Variants in MRPL39 observed in about 807,000 individuals in gnomAD.
MRPL39 encodes the protein mitochondrial ribosomal protein L39.
MRPL39 carries 35 observed loss-of-function variants against 44.5 expected under a neutral mutation model. That is an observed-to-expected ratio of 0.79 (90% confidence interval 0.60 to 1.04). The LOEUF is 1.04. Among genes scored for constraint, MRPL39 ranks in the 50% least tolerant of loss-of-function variants. The probability of loss-of-function intolerance (pLI) is 0.00; values close to 1 mark genes in which losing one functional copy is unlikely to be tolerated. For missense variants in MRPL39, 433 were observed against 413.5 expected, an observed-to-expected ratio of 1.05 and a Z score of -0.41; for synonymous variants, 139 against 136.1, an observed-to-expected ratio of 1.02 and a Z score of -0.15.
At chr21:25,601,600 G>T in intron 3 of MRPL39, 133 bp from the exon 4 acceptor site, 1 of 500,032 alleles carries the variant, frequency 2.0e-6, no homozygotes, top group Non-Finnish European at 3.2e-6. Flanking sequence ...ACACAATGTA[G>T]CAACAGTTGC....
rs1045799863 is a variant in MRPL39, at chr21:25,589,005, A to G, written c.922-123T>C. On this transcript the variant is annotated intron_variant, in intron 8 of 9. Coordinates refer to ENST00000352957, the MANE Select transcript of MRPL39 (RefSeq NM_017446.4). ...AAGCTAGGCAGTACTAATTTAGATA[A>G]GTGGTTATAAAAGTGGATCATAGTA... 4.4e-5 allele frequency: 36 copies of G among 824,302 alleles called. 1 individual carries two copies. The Middle Eastern group carries it at 1.1e-3, about 26-fold the overall frequency. The allele number at this position is 824,302 out of a possible 1,614,324, so 51.1% of individuals were successfully genotyped here. A position where few individuals can be genotyped will look rare whatever the true frequency, so the allele number is the denominator to read the frequency against.
intron 6 of MRPL39, among the ~76,000 whole-genome samples, chr21:25,595,529 A>G (rs1339307042): frequency 6.6e-6 from 1 of 152,238 alleles, no homozygotes. Context: ...GGAAATCTCA[A>G]TGTGTACTGA....
intron 4 of MRPL39, among the ~76,000 whole-genome samples, chr21:25,600,542 T>G (rs959427989): frequency 6.7e-6 from 1 of 149,386 alleles, no homozygotes; most frequent in Admixed American, 6.8e-5. Context: ...TTTCTTGAGC[T>G]TCTTTCAAAT....
upstream of MRPL39, among the ~76,000 whole-genome samples, chr21:25,607,775 A>C (rs2031741756): frequency 6.6e-6 from 1 of 151,048 alleles, no homozygotes; most frequent in Non-Finnish European, 1.5e-5. Flanking sequence ...AGAGTTCCAC[A>C]GGCGTCGTTG....
chr21:25,607,787 C>T (rs1264570677), upstream of MRPL39, among the ~76,000 whole-genome samples: 1 of 152,118 alleles, frequency 6.6e-6, no homozygotes, highest in African/African-American at 2.4e-5. Context: ...GCGTCGTTGC[C>T]CTCCGCCTTC....
chr21:25,599,953 A>C lies in MRPL39; in HGVS notation c.521-87T>G, dbSNP rs2031473804. ...TGCAACAACTGAATATTTAGACCAT[A>C]AAAAGGATTAGCACTCTCTCCCAAC... is the stretch of plus-strand genomic sequence containing the variant. On this transcript the variant is annotated intron_variant, in intron 4 of 9. Coordinates refer to ENST00000352957, the MANE Select transcript of MRPL39 (RefSeq NM_017446.4). 3 of 997,288 alleles carry C rather than the reference A, an allele frequency of 3.0e-6. No homozygotes were observed. In the South Asian group the frequency reaches 4.0e-5, roughly 13 times the overall value. 61.8% of individuals were successfully genotyped at this position (997,288 alleles called of 1,614,324 possible).
chr21:25,598,218 A>T (rs1321878925), intron 5 of MRPL39, among the ~76,000 whole-genome samples: 3 of 151,586 alleles, frequency 2.0e-5, no homozygotes, highest in African/African-American at 7.3e-5. Flanking sequence ...ACTCTACCCT[A>T]CTTTCTTTAA....
intron 8 of MRPL39, among the ~76,000 whole-genome samples, chr21:25,591,071 A>G (rs1312222453): frequency 1.2e-5 from 1 of 83,858 alleles, no homozygotes; most frequent in African/African-American, 4.0e-5. Flanking sequence ...TCTGACATCT[A>G]TAGCCCACAA....
At chr21:25,597,821 T>C (rs2031404729) in intron 5 of MRPL39, among the ~76,000 whole-genome samples, 1 of 152,094 alleles carries the variant, frequency 6.6e-6, no homozygotes, top group Non-Finnish European at 1.5e-5. Context: ...ATTAAATATA[T>C]GGGGAAAAAT....
At chr21:25,604,995 C>A (rs993392454) in intron 2 of MRPL39, among the ~76,000 whole-genome samples, 3 of 152,140 alleles carry the variant, frequency 2.0e-5, no homozygotes, top group Non-Finnish European at 2.9e-5. Context: ...CCTCTGTAGT[C>A]CTAATGCCTA....
intron 6 of MRPL39, among the ~76,000 whole-genome samples, chr21:25,596,605 T>C (rs2031368239): frequency 6.6e-6 from 1 of 152,198 alleles, no homozygotes; most frequent in Non-Finnish European, 1.5e-5. Flanking sequence ...AACTTCTATA[T>C]ACCTAAAGAA....
chr21:25,585,706 A>G lies in MRPL39; in HGVS notation c.*1T>C, dbSNP rs764529251. The G allele has an allele frequency of 1.0e-5, 15 of 1,504,196 alleles. No homozygotes were observed. The highest frequency in any genetic ancestry group is 1.3e-5 in the Non-Finnish European group (14 of 1,099,104). The allele number at this position is 1,504,196 out of a possible 1,614,324, so 93.2% of individuals were successfully genotyped here. A position where few individuals can be genotyped will look rare whatever the true frequency, so the allele number is the denominator to read the frequency against. On this transcript the variant is annotated 3_prime_UTR_variant, in exon 10 of 10. Transcript: ENST00000352957. ...ATACATATTTAAATTTTAGAAAGTTATTAGGTAGATGTACATTCCTCTGTT... is the reference window on the plus strand; with the variant it reads ...ATACATATTTAAATTTTAGAAAGTTGTTAGGTAGATGTACATTCCTCTGTT...
chr21:25,599,940 A>T, intron 4 of MRPL39, 74 bp from the exon 5 acceptor site: 1 of 1,115,432 alleles, frequency 9.0e-7, no homozygotes, highest in Non-Finnish European at 1.4e-6. Flanking sequence ...CAACAACTGA[A>T]TATTTAGACC....
chr21:25,595,752 CTTTTG>C (rs1257045716), intron 6 of MRPL39, among the ~76,000 whole-genome samples: 1 of 152,006 alleles, frequency 6.6e-6, no homozygotes, highest in Non-Finnish European at 1.5e-5. Context: ...TTAACTTCAA[CTTTTG>C]TTTTGACTTT....
intron 1 of MRPL39, 87 bp downstream of exon 1, chr21:25,607,316 G>GGCCCCGCGGA (rs2031713719): frequency 2.1e-6 from 3 of 1,458,838 alleles, no homozygotes; most frequent in Admixed American, 1.8e-5. Flanking sequence ...TGCCCCGCGG[G>GGCCCCGCGGA]ACCTCCCCGG....
intron 9 of MRPL39, chr21:25,587,573 A>G (rs996188250): frequency 1.3e-6 from 1 of 782,276 alleles, no homozygotes; most frequent in Non-Finnish European, 2.0e-6. Context: ...TTACACAAAT[A>G]TAACAAATCC....
At chr21:25,596,256 G>A (rs1228216773) in intron 6 of MRPL39, among the ~76,000 whole-genome samples, 5 of 152,070 alleles carry the variant, frequency 3.3e-5, no homozygotes, top group South Asian at 4.1e-4. Context: ...CCGCCACCAC[G>A]CCCAGCTAAT....
At chr21:25,595,454 C>A (rs1414992361) in intron 6 of MRPL39, among the ~76,000 whole-genome samples, 2 of 152,162 alleles carry the variant, frequency 1.3e-5, no homozygotes, top group Non-Finnish European at 2.9e-5. Context: ...TTCCTCCTAC[C>A]ACACACTCAA....
chr21:25,604,535 C>T (rs2031610490), intron 2 of MRPL39, among the ~76,000 whole-genome samples: 1 of 152,170 alleles, frequency 6.6e-6, no homozygotes, highest in African/African-American at 2.4e-5. Flanking sequence ...TGCTCCCAAA[C>T]CATCTCTTAT....
Sources: allele counts gnomAD v4.1 joint callset (sites outside exome capture counted in the v4.1 genomes callset), GRCh38; gene constraint gnomAD v4.1.1; transcripts MANE v1.5; gene names NCBI Gene and HGNC (gene_info 2026-07-23, HGNC 2026-07-21).